Variants in LHFPL3 observed in about 807,000 individuals in gnomAD.
LHFPL3 encodes the protein LHFPL tetraspan subfamily member 3 protein.
Under a neutral mutation model 19.3 loss-of-function variants are expected in LHFPL3, and 5 were observed. That is an observed-to-expected ratio of 0.26 (90% CI 0.14 to 0.54). The LOEUF is 0.54. Ranked by LOEUF, LHFPL3 falls within the 20% of genes least tolerant of loss-of-function variation. LHFPL3 has a pLI of 0.94. For synonymous variants in LHFPL3, 133 were observed against 126.2 expected (o/e 1.05, Z -0.36); for missense variants, 249 against 307.4 (o/e 0.81, Z 1.42).
intron 1 of LHFPL3, among the ~76,000 whole-genome samples, chr7:104,683,179 G>A (rs1020889932): frequency 4.6e-5 from 7 of 152,146 alleles, no homozygotes; most frequent in Admixed American, 2.0e-4. Flanking sequence ...TAGTAGAGAC[G>A]AGGTTTCACC....
intron 1 of LHFPL3, among the ~76,000 whole-genome samples, chr7:104,596,103 A>G (rs1790852630): frequency 6.6e-6 from 1 of 152,212 alleles, no homozygotes; most frequent in South Asian, 2.1e-4. Context: ...TGAACCAGGT[A>G]CCTCAGTTGG....
chr7:104,846,904 G>A (rs914730101), intron 2 of LHFPL3, among the ~76,000 whole-genome samples: 1 of 152,220 alleles, frequency 6.6e-6, no homozygotes, highest in African/African-American at 2.4e-5. Context: ...ACCTCAGGCT[G>A]TTTTTCATGC....
intron 1 of LHFPL3, among the ~76,000 whole-genome samples, chr7:104,508,074 G>A (rs1160563266): frequency 1.6e-3 from 245 of 149,606 alleles, no homozygotes; most frequent in Non-Finnish European, 2.6e-3. Flanking sequence ...ATCTAGAACT[G>A]GAAATACCAT....
intron 2 of LHFPL3, among the ~76,000 whole-genome samples, chr7:104,846,222 C>A (rs1791310429): frequency 6.6e-6 from 1 of 152,158 alleles, no homozygotes. Context: ...ACTGGATTTA[C>A]AGAATAAATT....
chr7:104,870,341 G>A (rs183093078), intron 2 of LHFPL3, among the ~76,000 whole-genome samples: 1 of 152,290 alleles, frequency 6.6e-6, no homozygotes, highest in Admixed American at 6.5e-5. Context: ...GCACAGATGA[G>A]TTCAAATTCT....
intron 1 of LHFPL3, among the ~76,000 whole-genome samples, chr7:104,403,725 TTC>T (rs71786184): frequency 0.045 from 6,483 of 143,160 alleles, 224 homozygotes; most frequent in East Asian, 0.16. Context: ...TTAGTGAACA[TTC>T]TCTCTCTCTC....
intron 2 of LHFPL3, among the ~76,000 whole-genome samples, chr7:104,811,274 A>G (rs1790465353): frequency 6.6e-6 from 1 of 151,124 alleles, no homozygotes; most frequent in Non-Finnish European, 1.5e-5. Flanking sequence ...GACTTACTGT[A>G]GCCTCAACCT....
intron 1 of LHFPL3, among the ~76,000 whole-genome samples, chr7:104,451,645 TA>T (rs1241123569): frequency 6.6e-6 from 1 of 152,196 alleles, no homozygotes; most frequent in South Asian, 2.1e-4. Context: ...AAATATATAT[TA>T]AAAAATGATT....
intron 1 of LHFPL3, among the ~76,000 whole-genome samples, chr7:104,459,356 C>A (rs1792612527): frequency 6.6e-6 from 1 of 152,170 alleles, no homozygotes; most frequent in African/African-American, 2.4e-5. Context: ...CCTGAAGTAA[C>A]ACATTTCCAA....
chr7:104,865,088 C>T (rs1349478969), intron 2 of LHFPL3, among the ~76,000 whole-genome samples: 1 of 152,122 alleles, frequency 6.6e-6, no homozygotes, highest in East Asian at 1.9e-4. Flanking sequence ...TCACCATCAT[C>T]AAAGACCAAA....
intron 1 of LHFPL3, among the ~76,000 whole-genome samples, chr7:104,672,456 A>C (rs1310404571): frequency 6.6e-6 from 1 of 152,192 alleles, no homozygotes; most frequent in Non-Finnish European, 1.5e-5. Flanking sequence ...TGCTGGAATG[A>C]ATGCGTAAGT....
chr7:104,858,036 T>C (rs1791543183), intron 2 of LHFPL3, among the ~76,000 whole-genome samples: 1 of 152,200 alleles, frequency 6.6e-6, no homozygotes, highest in Admixed American at 6.5e-5. Flanking sequence ...AACCAGAGTA[T>C]CTCACCATCA....
At chr7:104,866,970 A>G (rs1290894499) in intron 2 of LHFPL3, among the ~76,000 whole-genome samples, 1 of 152,232 alleles carries the variant, frequency 6.6e-6, no homozygotes, top group African/African-American at 2.4e-5. Context: ...CTGCTCCTGA[A>G]TGACTACTGG....
At chr7:104,413,811 AT>A (rs1388072692) in intron 1 of LHFPL3, among the ~76,000 whole-genome samples, 5 of 152,232 alleles carry the variant, frequency 3.3e-5, no homozygotes, top group Admixed American at 1.3e-4. Context: ...TTTAAAAAAA[AT>A]AACCGTACTC....
chr7:104,640,702 G>A (rs575267604), intron 1 of LHFPL3, among the ~76,000 whole-genome samples: 36 of 152,260 alleles, frequency 2.4e-4, no homozygotes, highest in African/African-American at 8.2e-4. Flanking sequence ...ATGCGAGATG[G>A]TATCTCATTG....
At chr7:104,341,834 C>CT (rs1380240559) in intron 1 of LHFPL3, among the ~76,000 whole-genome samples, 1 of 152,026 alleles carries the variant, frequency 6.6e-6, no homozygotes, top group Non-Finnish European at 1.5e-5. Context: ...CTCCCTGACA[C>CT]TGCCTGTAGG....
rs1318217128 is a variant in LHFPL3, at chr7:104,627,541, A to G, written c.446-109134A>G. Among the ~76,000 whole-genome samples the G allele has an allele frequency of 3.3e-5, 5 of 152,284 alleles. No individual in the cohort carries two copies. In the East Asian group the frequency reaches 9.7e-4, roughly 29 times the overall value. ...GGTATGCAATTTCTAATTGATTATTAGTTTCAATGCATCTTTGTGTCATCC... is the reference window on the plus strand; with the variant it reads ...GGTATGCAATTTCTAATTGATTATTGGTTTCAATGCATCTTTGTGTCATCC... On this transcript the variant is annotated intron_variant, in intron 1 of 2. Coordinates refer to ENST00000424859, the MANE Select transcript of LHFPL3 (RefSeq NM_199000.3).
chr7:104,874,023 T>A (rs1331946885), intron 2 of LHFPL3, among the ~76,000 whole-genome samples: 2 of 152,204 alleles, frequency 1.3e-5, no homozygotes, highest in Admixed American at 1.3e-4. Context: ...CTTCCCTCAC[T>A]GATGCAAACC....
intron 1 of LHFPL3, among the ~76,000 whole-genome samples, chr7:104,588,045 A>C (rs1790620315): frequency 6.6e-6 from 1 of 151,734 alleles, no homozygotes; most frequent in Non-Finnish European, 1.5e-5. Context: ...GATTGTAAAA[A>C]TTTTCTCCCA....
Sources: allele counts gnomAD v4.1 joint callset (sites outside exome capture counted in the v4.1 genomes callset), GRCh38; gene constraint gnomAD v4.1.1; transcripts MANE v1.5; gene names NCBI Gene and HGNC (gene_info 2026-07-23, HGNC 2026-07-21).